DPF3: variants seen among roughly 807,000 people sequenced by gnomAD.
The protein encoded by DPF3 is zinc finger protein DPF3.
Under a neutral mutation model 56.8 loss-of-function variants are expected in DPF3, and 18 were observed. That is an observed-to-expected ratio of 0.32 (90% CI 0.22 to 0.47). The LOEUF (loss-of-function observed/expected upper bound fraction) is 0.47, where lower values mean the gene tolerates loss of function less well. Ranked by LOEUF, DPF3 falls within the 20% of genes least tolerant of loss-of-function variation. The pLI is 1.00. For synonymous variants in DPF3, 188 were observed against 180.2 expected, an observed-to-expected ratio of 1.04 and a Z score of -0.35; for missense variants, 403 against 488.8, an observed-to-expected ratio of 0.82 and a Z score of 1.65.
At chr14:72,849,446 C>T (rs1289850887) in intron 1 of DPF3, among the ~76,000 whole-genome samples, 5 of 152,326 alleles carry the variant, frequency 3.3e-5, no homozygotes, top group South Asian at 2.1e-4. Context: ...CTTCTGCCCA[C>T]GCTGCTGCCG....
At chr14:72,690,517 A>C (rs1887628003) in intron 7 of DPF3, among the ~76,000 whole-genome samples, 1 of 136,286 alleles carries the variant, frequency 7.3e-6, no homozygotes, top group South Asian at 2.1e-4. Context: ...ACATGCACAC[A>C]AACAAGCACA....
At position 72,869,142 on chromosome 14, in the gene DPF3, G is replaced by C. The variant is rs550986287; in HGVS notation, c.32+24915C>G. Among the ~76,000 whole-genome samples the C allele has an allele frequency of 2.0e-5, 3 of 152,242 alleles. No homozygotes were observed. The South Asian group carries it at 6.2e-4, about 32-fold the overall frequency. On this transcript the variant is annotated intron_variant, in intron 1 of 10. Transcript: ENST00000556509. The stretch of plus-strand genomic sequence containing the variant: ...GACCTTGGCACATGCTATTCCCTCT[G>C]CTGGGATCAAATGTTTCCTCTTCAA...
intron 3 of DPF3, among the ~76,000 whole-genome samples, chr14:72,752,281 T>C (rs1890611157): frequency 6.6e-6 from 1 of 152,112 alleles, no homozygotes; most frequent in Non-Finnish European, 1.5e-5. Context: ...CAAAGATGCG[T>C]TTAAAGCTAA....
At chr14:72,723,559 A>G in intron 5 of DPF3, 74 bp downstream of exon 5, 2 of 1,213,710 alleles carry the variant, frequency 1.6e-6, no homozygotes, top group East Asian at 5.1e-5. Flanking sequence ...ATCTAGCTGC[A>G]GTGGAGATCA....
At chr14:72,687,075 G>T (rs898792890) in intron 7 of DPF3, among the ~76,000 whole-genome samples, 2 of 152,184 alleles carry the variant, frequency 1.3e-5, no homozygotes, top group Non-Finnish European at 2.9e-5. Flanking sequence ...TATCTAATCA[G>T]CAGACATTAC....
At chr14:72,825,262 A>C (rs1713441088) in intron 1 of DPF3, among the ~76,000 whole-genome samples, 1 of 152,184 alleles carries the variant, frequency 6.6e-6, no homozygotes, top group African/African-American at 2.4e-5. Flanking sequence ...GATCTTATAC[A>C]TCTTTCTGAC....
chr14:72,680,361 AG>A (rs1887108570), intron 7 of DPF3, among the ~76,000 whole-genome samples: 1 of 152,232 alleles, frequency 6.6e-6, no homozygotes, highest in Non-Finnish European at 1.5e-5. Context: ...ATAGCAACTC[AG>A]GTCCCGCCCC....
At chr14:72,790,808 C>G (rs190692921) in intron 1 of DPF3, among the ~76,000 whole-genome samples, 105 of 152,314 alleles carry the variant, frequency 6.9e-4, no homozygotes, top group African/African-American at 2.4e-3. Context: ...ACTTCTCCCC[C>G]CTCAAGAGCC....
intron 6 of DPF3, among the ~76,000 whole-genome samples, chr14:72,700,262 G>A (rs1000298164): frequency 6.6e-6 from 1 of 152,194 alleles, no homozygotes; most frequent in East Asian, 1.9e-4. Context: ...TCGTGAGCCT[G>A]TGACCTGTGC....
At chr14:72,670,265 C>A in intron 8 of DPF3, 1 of 985,912 alleles carries the variant, frequency 1.0e-6, no homozygotes, top group Non-Finnish European at 1.2e-6. Context: ...GAGCCCATGA[C>A]GTTCTGCTTA....
At chr14:72,639,727 C>CT (rs1885486769) in intron 8 of DPF3, among the ~76,000 whole-genome samples, 1 of 152,074 alleles carries the variant, frequency 6.6e-6, no homozygotes, top group Non-Finnish European at 1.5e-5. Flanking sequence ...TGACTGCAAC[C>CT]CAAGGGAGGC....
intron 1 of DPF3, among the ~76,000 whole-genome samples, chr14:72,800,354 C>A (rs1567236918): frequency 6.6e-6 from 1 of 151,640 alleles, no homozygotes; most frequent in Non-Finnish European, 1.5e-5. Flanking sequence ...TTTACCATCC[C>A]TTATTAGATG....
At chr14:72,844,910 A>G (rs567814475) in intron 1 of DPF3, among the ~76,000 whole-genome samples, 3 of 152,318 alleles carry the variant, frequency 2.0e-5, no homozygotes, top group Non-Finnish European at 2.9e-5. Flanking sequence ...GATCACAACC[A>G]GGAGTTCAAG....
At position 72,869,706 on chromosome 14, in the gene DPF3, G is replaced by A. The variant is rs958193033; in HGVS notation, c.32+24351C>T. Among the ~76,000 whole-genome samples, 3 of 152,142 alleles carry A rather than the reference G, an allele frequency of 2.0e-5. No individual in the cohort carries two copies. The East Asian group carries it at 5.8e-4, about 29-fold the overall frequency. The stretch of plus-strand genomic sequence containing the variant: ...GAAAAAGAGGGCTGGGAGAGAGAGA[G>A]TGCCAACCTCCTCAATCCCCTTCTT... On this transcript the variant is annotated intron_variant, in intron 1 of 10. Transcript: ENST00000556509.
chr14:72,651,616 A>G (rs903656912), intron 8 of DPF3, among the ~76,000 whole-genome samples: 4 of 152,240 alleles, frequency 2.6e-5, no homozygotes, highest in African/African-American at 9.6e-5. Context: ...GACTAATACC[A>G]GGTTGTATTC....
At chr14:72,762,419 G>A (rs1185310478) in intron 2 of DPF3, among the ~76,000 whole-genome samples, 1 of 151,576 alleles carries the variant, frequency 6.6e-6, no homozygotes, top group Non-Finnish European at 1.5e-5. Context: ...TATGTTAAAT[G>A]TAAACTTAAG....
In DPF3 at chr14:72,728,502, G is replaced by T. The variant is rs1276517432; in HGVS notation, c.429+3305C>A. On this transcript the variant is annotated intron_variant, in intron 4 of 10. Coordinates refer to ENST00000556509, the MANE Select transcript of DPF3 (RefSeq NM_001280542.3). Reference sequence around the variant, plus strand: ...ACTAGGTTAGGAATGGAGAGGACACGCCCAGGAAGGTCACGCTCATCCTTT... The same window carrying T: ...ACTAGGTTAGGAATGGAGAGGACACTCCCAGGAAGGTCACGCTCATCCTTT... Among the ~76,000 whole-genome samples the T allele has an allele frequency of 2.6e-5, 4 of 152,152 alleles. No homozygotes were observed. The South Asian group carries it at 8.3e-4, about 32-fold the overall frequency.
At chr14:72,712,385 G>A (rs1888693022) in intron 6 of DPF3, among the ~76,000 whole-genome samples, 1 of 152,188 alleles carries the variant, frequency 6.6e-6, no homozygotes, top group Non-Finnish European at 1.5e-5. Flanking sequence ...GGAGGCAGAA[G>A]TCAGAGGCAA....
intron 8 of DPF3, among the ~76,000 whole-genome samples, chr14:72,659,009 A>G (rs1398670063): frequency 6.6e-6 from 1 of 151,984 alleles, no homozygotes; most frequent in Non-Finnish European, 1.5e-5. Context: ...CCCTTGAAAA[A>G]AAAAAAGATC....
Sources: allele counts gnomAD v4.1 joint callset (sites outside exome capture counted in the v4.1 genomes callset), GRCh38; gene constraint gnomAD v4.1.1; transcripts MANE v1.5; gene names NCBI Gene and HGNC (gene_info 2026-07-23, HGNC 2026-07-21).